The following GFPT1 variants were observed in gnomAD, a reference collection of about 807,000 sequenced individuals.
GFPT1 encodes the protein glutamine--fructose-6-phosphate transaminase 1.
In GFPT1, 40 loss-of-function variants were observed where a neutral mutation model predicts 92.0. The ratio of observed to expected loss-of-function variants is 0.43; its 90% CI spans 0.34 to 0.57. The LOEUF is 0.57. Among genes scored for constraint, GFPT1 ranks in the 20% least tolerant of loss-of-function variants. The pLI, the probability that GFPT1 is intolerant of heterozygous loss-of-function variation, is 0.02. For synonymous variants in GFPT1, 269 were observed against 280.6 expected, an observed-to-expected ratio of 0.96 and a Z score of 0.41; for missense variants, 448 against 869.1, an observed-to-expected ratio of 0.52 and a Z score of 6.09.
intron 3 of GFPT1, among the ~76,000 whole-genome samples, chr2:69,365,888 C>T (rs1263191187): frequency 4.6e-5 from 7 of 152,110 alleles, no homozygotes; most frequent in African/African-American, 1.2e-4. Context: ...TCTTGGCTCA[C>T]TGCAACCTCT....
rs147573852 is a variant in GFPT1, at chr2:69,329,809, A to C, written c.1483-11T>G. On this transcript the variant is annotated splice_polypyrimidine_tract_variant and intron_variant, in intron 15 of 19. Coordinates refer to ENST00000357308, the MANE Select transcript of GFPT1 (RefSeq NM_001244710.2). ...CTGGCTGGTATAAGCCTGAAACATC[A>C]CAAAAAAGCAGGACAATTAGTTGCA... The C allele has an allele frequency of 1.9e-5, 26 of 1,376,952 alleles. No individual in the cohort carries two copies. In the African/African-American group the frequency reaches 3.3e-4, roughly 17 times the overall value. 85.3% of individuals were successfully genotyped at this position (1,376,952 alleles called of 1,614,324 possible). A position where few individuals can be genotyped will look rare whatever the true frequency, so the allele number is the denominator to read the frequency against.
chr2:69,366,138 C>T (rs1218694009), intron 3 of GFPT1, among the ~76,000 whole-genome samples: 1 of 152,266 alleles, frequency 6.6e-6, no homozygotes, highest in South Asian at 2.1e-4. Flanking sequence ...TTTAAGCTAA[C>T]TATAATTAAA....
At chr2:69,358,955 T>C (rs1288258969) in intron 5 of GFPT1, among the ~76,000 whole-genome samples, 3 of 152,242 alleles carry the variant, frequency 2.0e-5, no homozygotes, top group Non-Finnish European at 4.4e-5. Flanking sequence ...CTTGTATTAA[T>C]ATATCCTAGG....
chr2:69,368,573 C>T (rs1671666402), intron 3 of GFPT1, among the ~76,000 whole-genome samples: 1 of 152,026 alleles, frequency 6.6e-6, no homozygotes, highest in Non-Finnish European at 1.5e-5. Context: ...ACCAAAAATA[C>T]AAAAATTAGC....
chr2:69,356,481 T>TA lies in GFPT1; in HGVS notation c.605+14dup, dbSNP rs1671341384. On this transcript the variant is annotated intron_variant, in intron 7 of 19. Coordinates refer to ENST00000357308, the MANE Select transcript of GFPT1 (RefSeq NM_001244710.2). Reference sequence around the variant, plus strand: ...TATGTTGAAATACATTAGTCATTGTTAGAGTTATATGTACCTTGTGCCAAC... The same window carrying TA: ...TATGTTGAAATACATTAGTCATTGTTAAGAGTTATATGTACCTTGTGCCAAC... The TA allele has an allele frequency of 1.3e-6, 2 of 1,574,478 alleles. No individual in the cohort carries two copies. Among genetic ancestry groups the TA allele is most frequent in the Non-Finnish European group, 1.7e-6 (2 of 1,143,822 alleles).
chr2:69,359,618 A>C (rs1006403683), intron 4 of GFPT1, among the ~76,000 whole-genome samples: 6 of 152,218 alleles, frequency 3.9e-5, no homozygotes, highest in Non-Finnish European at 2.9e-5. Flanking sequence ...TAAACTAGTA[A>C]TCAAATGTTA....
Position 69,349,953 on chromosome 2 carries a change from T to C in GFPT1, c.845+125A>G, listed in dbSNP as rs377290555. ...GCCCCATCTCCAAAATGGTCACCTG[T>C]ATTTCTTTAATTTAAAAAGTTATCT... On this transcript the variant is annotated intron_variant, in intron 10 of 19. Transcript: ENST00000357308. 299 of 727,648 alleles carry C rather than the reference T, an allele frequency of 4.1e-4. 1 individual carries two copies. The highest frequency in any genetic ancestry group is 6.6e-4 in the Non-Finnish European group (268 of 408,874). The allele number at this position is 727,648 out of a possible 1,614,324, so 45.1% of individuals were successfully genotyped here. A position where few individuals can be genotyped will look rare whatever the true frequency, so the allele number is the denominator to read the frequency against.
At chr2:69,358,014 G>C (rs1413990578) in intron 6 of GFPT1, among the ~76,000 whole-genome samples, 2 of 152,198 alleles carry the variant, frequency 1.3e-5, no homozygotes, top group African/African-American at 4.8e-5. Context: ...CCTCCATCGT[G>C]TGTACTGTGT....
Position 69,356,573 on chromosome 2 carries a change from A to C in GFPT1, c.544-16T>G, listed in dbSNP as rs747998305. 1 of 1,587,642 alleles carries C rather than the reference A, an allele frequency of 6.3e-7. No individual in the cohort carries two copies. ...AAGCACCTTCCTAGGGAGGGAAAAA[A>C]ATCCATTAGCACTATTTAATCAATT... is the stretch of plus-strand genomic sequence containing the variant. On this transcript the variant is annotated splice_polypyrimidine_tract_variant and intron_variant, in intron 6 of 19. Coordinates refer to ENST00000357308, the MANE Select transcript of GFPT1 (RefSeq NM_001244710.2).
intron 2 of GFPT1, among the ~76,000 whole-genome samples, chr2:69,372,344 T>A (rs1574083238): frequency 6.6e-6 from 1 of 150,798 alleles, no homozygotes; most frequent in East Asian, 2.0e-4. Context: ...CCAGGGCGGG[T>A]GGATCTCCTG....
rs116861957 is a variant in GFPT1 at position 69,372,495 on chromosome 2, G to A, written c.115+1511C>T. On this transcript the variant is annotated intron_variant, in intron 2 of 19. Transcript: ENST00000357308. ...TAAGGCAGAAGAATCAGCTGAATCC[G>A]GAAGACAGAGGTTGCAACAGTCAGC... Among the ~76,000 whole-genome samples the A allele has an allele frequency of 4.0e-3, 609 of 151,974 alleles. 26 individuals are homozygous for A. The East Asian group carries it at 0.098, about 24-fold the overall frequency.
chr2:69,333,359 A>T (rs969837075), intron 15 of GFPT1, among the ~76,000 whole-genome samples: 2 of 152,258 alleles, frequency 1.3e-5, no homozygotes, highest in African/African-American at 4.8e-5. Flanking sequence ...GTTTTTAAGT[A>T]CAAATATTAA....
At chr2:69,342,114 T>C (rs1262774178) in intron 13 of GFPT1, 38 bp downstream of exon 13, 1 of 1,092,048 alleles carries the variant, frequency 9.2e-7, no homozygotes, top group South Asian at 1.3e-5. Flanking sequence ...AGATATTCTC[T>C]AATATTCAAC....
At chr2:69,331,198 T>C (rs747321009) in intron 15 of GFPT1, among the ~76,000 whole-genome samples, 1 of 152,194 alleles carries the variant, frequency 6.6e-6, no homozygotes, top group Non-Finnish European at 1.5e-5. Context: ...TGCGGGACAA[T>C]GAACCTTCAC....
At chr2:69,365,968 A>T (rs554701245) in intron 3 of GFPT1, among the ~76,000 whole-genome samples, 1 of 152,108 alleles carries the variant, frequency 6.6e-6, no homozygotes, top group South Asian at 2.1e-4. Context: ...ACGCACCACC[A>T]CGCCTGGCTA....
intron 13 of GFPT1, among the ~76,000 whole-genome samples, chr2:69,341,070 T>C (rs989911940): frequency 6.6e-6 from 1 of 151,546 alleles, no homozygotes; most frequent in African/African-American, 2.4e-5. Flanking sequence ...GCGATCCTCC[T>C]GCCTCAGCCT....
At chr2:69,369,883 G>T in intron 3 of GFPT1, 118 bp downstream of exon 3, 1 of 740,578 alleles carries the variant, frequency 1.4e-6, no homozygotes. Context: ...CAATGTTACA[G>T]ACCATTATCA....
At chr2:69,346,204 A>G (rs1671077314) in intron 11 of GFPT1, among the ~76,000 whole-genome samples, 1 of 152,084 alleles carries the variant, frequency 6.6e-6, no homozygotes, top group Non-Finnish European at 1.5e-5. Flanking sequence ...AATTAACTTC[A>G]TACTTGAAAT....
chr2:69,364,599 T>C (rs1338023386), intron 3 of GFPT1, among the ~76,000 whole-genome samples: 2 of 152,254 alleles, frequency 1.3e-5, no homozygotes, highest in African/African-American at 2.4e-5. Flanking sequence ...ACTGCAACTA[T>C]GGAGTGCCTC....
Sources: gnomAD v4.1 joint callset for allele counts (sites outside exome capture counted in the v4.1 genomes callset) on GRCh38, gnomAD v4.1.1 for gene constraint, MANE v1.5 for transcripts, NCBI Gene and HGNC (gene_info 2026-07-23, HGNC 2026-07-21) for gene names.